LDLRAD3: variants seen among roughly 807,000 people sequenced by gnomAD.
LDLRAD3 encodes the protein low-density lipoprotein receptor class A domain-containing protein 3.
Under a neutral mutation model 29.4 loss-of-function variants are expected in LDLRAD3, and 20 were observed. The observed-to-expected ratio is 0.68, with a 90% CI of 0.48 to 0.99. The LOEUF is 0.99. LDLRAD3 is among the 50% of genes least tolerant of loss of function. The pLI, the probability that LDLRAD3 is intolerant of heterozygous loss-of-function variation, is 0.00. For synonymous variants in LDLRAD3, 157 were observed against 192.7 expected (o/e 0.81, Z 1.53); for missense variants, 420 against 454.3 (o/e 0.92, Z 0.69).
At chr11:36,025,389 ATTT>A (rs35778261) in intron 1 of LDLRAD3, among the ~76,000 whole-genome samples, 3 of 138,042 alleles carry the variant, frequency 2.2e-5, no homozygotes, top group Admixed American at 7.3e-5. Flanking sequence ...CTGGCTTCAG[ATTT>A]TTTTTTTTTT....
intron 1 of LDLRAD3, among the ~76,000 whole-genome samples, chr11:35,962,310 A>G (rs373622086): frequency 1.3e-5 from 2 of 149,670 alleles, no homozygotes. Flanking sequence ...GCTAAGTGAG[A>G]TTCTGGAAGC....
chr11:35,961,443 G>A (rs1851276848), intron 1 of LDLRAD3, among the ~76,000 whole-genome samples: 1 of 152,202 alleles, frequency 6.6e-6, no homozygotes, highest in African/African-American at 2.4e-5. Context: ...TTCTTTACCT[G>A]TAAAAGGAGG....
At position 36,012,055 on chromosome 11, in the gene LDLRAD3, T is replaced by C. The variant is rs557197441; in HGVS notation, c.47-24048T>C. On this transcript the variant is annotated intron_variant, in intron 1 of 5. Coordinates refer to ENST00000315571, the MANE Select transcript of LDLRAD3 (RefSeq NM_174902.4). ...TTTTAATCAGTTTAGATTGTTGTTC[T>C]TCTATATTCTAAAGTCTCTAGGGGT... Among the ~76,000 whole-genome samples the C allele has an allele frequency of 3.3e-5, 5 of 152,340 alleles. No individual in the cohort carries two copies. The East Asian group carries it at 7.7e-4, about 23-fold the overall frequency.
rs1014301087 is a variant in LDLRAD3 at position 35,944,840 on chromosome 11, G to A, written c.46+696G>A. On this transcript the variant is annotated intron_variant, in intron 1 of 5. Transcript: ENST00000315571. This position sits in a 1 kb window ranked among gnomAD's most constrained non-coding sequence, Gnocchi z 4.9. ...CGAGGGGCCCTGGGAGAGGACACGGGGCTTCATCCGGCGGCCCTTTGAACC... is the reference window on the plus strand; with the variant it reads ...CGAGGGGCCCTGGGAGAGGACACGGAGCTTCATCCGGCGGCCCTTTGAACC... 3.3e-5 allele frequency among the ~76,000 whole-genome samples: 5 copies of A among 152,256 alleles called. No homozygotes were observed. Among genetic ancestry groups the A allele is most frequent in the Admixed American group, 3.3e-4 (5 of 15,294 alleles).
rs150375670 is a variant in LDLRAD3, at chr11:36,066,712, T to C, written c.194-14941T>C. On this transcript the variant is annotated intron_variant, in intron 2 of 5. Transcript: ENST00000315571. ...TCGATGATAGCCACTTTGAATTCTGTTATGGTTTATAGTGTCTTTCTTTCT... is the reference window on the plus strand; with the variant it reads ...TCGATGATAGCCACTTTGAATTCTGCTATGGTTTATAGTGTCTTTCTTTCT... 3.8e-4 allele frequency among the ~76,000 whole-genome samples: 58 copies of C among 152,304 alleles called. No homozygotes were observed. In the East Asian group the frequency reaches 0.01, roughly 27 times the overall value.
Position 36,105,236 on chromosome 11 carries a change from T to TGA in LDLRAD3, c.454+6776_454+6777insAG, listed in dbSNP as rs1392436661. Among the ~76,000 whole-genome samples the TGA allele has an allele frequency of 2.8e-3, 382 of 135,116 alleles. 1 individual carries two copies. The highest frequency in any genetic ancestry group is 8.5e-3 in the African/African-American group (304 of 35,952). 88.6% of individuals were successfully genotyped at this position (135,116 alleles called of 152,430 possible). On this transcript the variant is annotated intron_variant, in intron 4 of 5. Transcript: ENST00000315571. ...GTGTGTGTGTGTGTGTGTGTGTGTG[T>TGA]GTGAGAGAGAGAGAGAGAGAGAGAG...
chr11:36,098,464 A>G lies in LDLRAD3; in HGVS notation c.454+3A>G. ...GGAAAGCTGTGAAAGTTCTCAAGGT[A>G]GGAACCTCTCAAGCTCTAAAAAGAT... On this transcript the variant is annotated splice_donor_region_variant and intron_variant, in intron 4 of 5. Coordinates refer to ENST00000315571, the MANE Select transcript of LDLRAD3 (RefSeq NM_174902.4). 1 of 1,614,214 alleles carries G rather than the reference A, an allele frequency of 6.2e-7. No individual in the cohort carries two copies. Among genetic ancestry groups the G allele is most frequent in the Non-Finnish European group, 8.5e-7 (1 of 1,180,022 alleles).
In LDLRAD3 at chr11:36,033,850, A is replaced by T. The variant is rs548108107; in HGVS notation, c.47-2253A>T. Among the ~76,000 whole-genome samples the T allele has an allele frequency of 2.7e-4, 41 of 152,198 alleles. 1 individual carries two copies. The highest frequency in any genetic ancestry group is 5.1e-4 in the Non-Finnish European group (35 of 68,010). The stretch of plus-strand genomic sequence containing the variant: ...GAGTCCGGTCTTGAGAGGGAGTCTC[A>T]TATTGATTCTTGGCTCGGTGGAACA... On this transcript the variant is annotated intron_variant, in intron 1 of 5. Coordinates refer to ENST00000315571, the MANE Select transcript of LDLRAD3 (RefSeq NM_174902.4).
At chr11:36,103,388 C>T (rs1232583801) in intron 4 of LDLRAD3, among the ~76,000 whole-genome samples, 2 of 152,048 alleles carry the variant, frequency 1.3e-5, no homozygotes, top group African/African-American at 4.8e-5. Context: ...CAGGCGCCCA[C>T]CACCACGCCC....
chr11:36,167,759 C>T (rs7943803), intron 4 of LDLRAD3, among the ~76,000 whole-genome samples: 2,927 of 152,260 alleles, frequency 0.019, 98 homozygotes, highest in African/African-American at 0.068. Flanking sequence ...TTTCATGCCA[C>T]GCAGTTCATG....
intron 4 of LDLRAD3, among the ~76,000 whole-genome samples, chr11:36,162,035 A>C (rs1854447290): frequency 6.6e-6 from 1 of 152,010 alleles, no homozygotes; most frequent in Non-Finnish European, 1.5e-5. Flanking sequence ...AAGTAAAACT[A>C]TAAATCATTC....
intron 4 of LDLRAD3, among the ~76,000 whole-genome samples, chr11:36,221,377 AAAG>A (rs1565314013): frequency 6.6e-6 from 1 of 151,310 alleles, no homozygotes. Context: ...CAAAAAAAAA[AAAG>A]AGGTCAGGCT....
chr11:36,128,693 A>G (rs941309755), intron 4 of LDLRAD3, among the ~76,000 whole-genome samples: 1 of 152,088 alleles, frequency 6.6e-6, no homozygotes, highest in Non-Finnish European at 1.5e-5. Context: ...TACTAAAAAT[A>G]CAAAAATTAG....
intron 1 of LDLRAD3, among the ~76,000 whole-genome samples, chr11:35,946,980 A>G (rs1851065127): frequency 6.6e-6 from 1 of 151,970 alleles, no homozygotes; most frequent in Non-Finnish European, 1.5e-5. Context: ...CTGGGGTGTG[A>G]GATGTTTTTT....
intron 1 of LDLRAD3, among the ~76,000 whole-genome samples, chr11:36,025,222 G>GT (rs1029851717): frequency 7.2e-5 from 11 of 151,770 alleles, no homozygotes; most frequent in South Asian, 6.3e-4. Context: ...CTTTCATAGG[G>GT]TTTTTTTTCC....
At chr11:36,128,803 C>A (rs1217534008) in intron 4 of LDLRAD3, among the ~76,000 whole-genome samples, 1 of 150,290 alleles carries the variant, frequency 6.7e-6, no homozygotes, top group Non-Finnish European at 1.5e-5. Flanking sequence ...GAGTGGAGAT[C>A]ACATTACTGC....
chr11:36,209,986 A>G (rs1203383245), intron 4 of LDLRAD3, among the ~76,000 whole-genome samples: 1 of 152,240 alleles, frequency 6.6e-6, no homozygotes, highest in Non-Finnish European at 1.5e-5. Flanking sequence ...AGAGAGATAC[A>G]TGAAACAGAC....
In LDLRAD3 at chr11:36,080,116, G is replaced by T. The variant is rs192455109; in HGVS notation, c.194-1537G>T. Reference sequence around the variant, plus strand: ...TGTTACAGACAGCAAGAACATGGAGGTAATTTATTGCCTGTTTGTTTCAAA... The same window carrying T: ...TGTTACAGACAGCAAGAACATGGAGTTAATTTATTGCCTGTTTGTTTCAAA... On this transcript the variant is annotated intron_variant, in intron 2 of 5. Transcript: ENST00000315571. Among the ~76,000 whole-genome samples, 743 of 152,322 alleles carry T rather than the reference G, an allele frequency of 4.9e-3. 17 individuals carry two copies. The highest frequency in any genetic ancestry group is 0.044 in the Admixed American group (676 of 15,296).
At chr11:36,220,499 A>C (rs934042817) in intron 4 of LDLRAD3, among the ~76,000 whole-genome samples, 4 of 152,208 alleles carry the variant, frequency 2.6e-5, no homozygotes, top group African/African-American at 7.2e-5. Context: ...AAATATTAAC[A>C]CTCAAAGAAA....
Sources: allele counts gnomAD v4.1 joint callset (sites outside exome capture counted in the v4.1 genomes callset), GRCh38; gene constraint gnomAD v4.1.1; non-coding constraint Gnocchi (gnomAD v3.1); transcripts MANE v1.5; gene names NCBI Gene and HGNC (gene_info 2026-07-23, HGNC 2026-07-21).